Variants in SEMA5A observed in about 807,000 individuals in gnomAD.
SEMA5A encodes the protein semaphorin-5A.
SEMA5A carries 55 observed loss-of-function variants against 135.5 expected under a neutral mutation model. The ratio of observed to expected loss-of-function variants is 0.41; its 90% confidence interval spans 0.33 to 0.51. The LOEUF (loss-of-function observed/expected upper bound fraction) is 0.51, where lower values mean the gene tolerates loss of function less well. Among genes scored for constraint, SEMA5A ranks in the 20% least tolerant of loss-of-function variants. The pLI is 0.37. For synonymous variants in SEMA5A, 580 were observed against 546.5 expected (o/e 1.06, Z -0.85); for missense variants, 1,290 against 1,419.9 (o/e 0.91, Z 1.47).
intron 16 of SEMA5A, among the ~76,000 whole-genome samples, chr5:9,093,211 A>G (rs1739130418): frequency 6.6e-6 from 1 of 152,236 alleles, no homozygotes; most frequent in African/African-American, 2.4e-5. Context: ...CATATATCTG[A>G]AACCATAACA....
chr5:9,124,532 C>T (rs1741000612), intron 13 of SEMA5A, among the ~76,000 whole-genome samples: 1 of 152,168 alleles, frequency 6.6e-6, no homozygotes, highest in South Asian at 2.1e-4. Context: ...TCTTGGCTCA[C>T]TGCAACCTCC....
At chr5:9,427,310 G>C (rs187133832) in intron 2 of SEMA5A, among the ~76,000 whole-genome samples, 1 of 146,538 alleles carries the variant, frequency 6.8e-6, no homozygotes, top group South Asian at 2.1e-4. Context: ...ACTCTGTCTC[G>C]GGGGGGAAAA....
intron 1 of SEMA5A, among the ~76,000 whole-genome samples, chr5:9,447,838 A>G (rs957682621): frequency 6.6e-6 from 1 of 152,220 alleles, no homozygotes; most frequent in Non-Finnish European, 1.5e-5. Flanking sequence ...GAGTCATGTC[A>G]TCCATTTTAG....
chr5:9,066,713 T>A, intron 16 of SEMA5A, 67 bp from the exon 17 acceptor site: 1 of 1,398,484 alleles, frequency 7.2e-7, no homozygotes, highest in Non-Finnish European at 1.0e-6. Context: ...AAGGGCTCCT[T>A]TCCTTTAGGG....
At chr5:9,457,744 G>GT (rs1300334897) in intron 1 of SEMA5A, among the ~76,000 whole-genome samples, 3 of 151,908 alleles carry the variant, frequency 2.0e-5, no homozygotes, top group South Asian at 4.2e-4. Flanking sequence ...TATTAGGAAG[G>GT]TTTTTTTCCT....
At chr5:9,388,155 T>C (rs1183867927) in intron 2 of SEMA5A, among the ~76,000 whole-genome samples, 1 of 152,244 alleles carries the variant, frequency 6.6e-6, no homozygotes, top group Non-Finnish European at 1.5e-5. Flanking sequence ...TTTATGGCTA[T>C]ATAAAAGGAC....
rs1755530578 is a variant in SEMA5A at position 9,380,061 on chromosome 5, G to T, written c.-77-38C>A. The stretch of plus-strand genomic sequence containing the variant: ...AAAGAGAAGAATCAGATGACTGTGA[G>T]TTCGTTTTCTGGTGGGTGGTCTTCT... On this transcript the variant is annotated intron_variant, in intron 2 of 22. Coordinates refer to ENST00000382496, the MANE Select transcript of SEMA5A (RefSeq NM_003966.3). The T allele has an allele frequency of 2.2e-6, 3 of 1,384,820 alleles. No individual in the cohort carries two copies. The African/African-American group carries it at 4.3e-5, about 20-fold the overall frequency. 85.8% of individuals were successfully genotyped at this position (1,384,820 alleles called of 1,614,324 possible).
chr5:9,439,390 A>G (rs1758151479), intron 1 of SEMA5A, among the ~76,000 whole-genome samples: 1 of 152,200 alleles, frequency 6.6e-6, no homozygotes, highest in Admixed American at 6.5e-5. Context: ...ATTTTACAAC[A>G]ATTATTACTA....
intron 1 of SEMA5A, among the ~76,000 whole-genome samples, chr5:9,511,052 G>A (rs966142875): frequency 3.3e-5 from 5 of 152,104 alleles, no homozygotes; most frequent in African/African-American, 1.2e-4. Context: ...CTGATATCTA[G>A]TGTACCAGAA....
At chr5:9,088,955 C>T (rs919120761) in intron 16 of SEMA5A, among the ~76,000 whole-genome samples, 1 of 152,088 alleles carries the variant, frequency 6.6e-6, no homozygotes, top group African/African-American at 2.4e-5. Context: ...GGGTTCAGGC[C>T]TCCATGCTTT....
intron 5 of SEMA5A, among the ~76,000 whole-genome samples, chr5:9,301,310 G>A (rs1751600237): frequency 1.3e-5 from 2 of 152,220 alleles, no homozygotes; most frequent in African/African-American, 2.4e-5. Flanking sequence ...TAAGCATCAG[G>A]TGTCTCAAAA....
intron 1 of SEMA5A, among the ~76,000 whole-genome samples, chr5:9,521,631 C>T (rs1736839575): frequency 6.6e-6 from 1 of 152,182 alleles, no homozygotes; most frequent in Admixed American, 6.5e-5. Flanking sequence ...GGAGCCCTCA[C>T]AGCTGGCCAT....
chr5:9,206,470 C>A (rs948272783), intron 8 of SEMA5A, among the ~76,000 whole-genome samples: 1 of 151,628 alleles, frequency 6.6e-6, no homozygotes, highest in African/African-American at 2.4e-5. Flanking sequence ...AGAAAAACAT[C>A]AAAAATTTTG....
In SEMA5A at chr5:9,154,552, C is replaced by A; in HGVS notation, c.1417G>T (p.Val473Leu). The change falls in exon 12 of 23, where the codon GTG becomes TTG. Residue 473 changes from valine (V) to leucine (L), a missense_variant. Physicochemically the swap from Val to Leu is conservative, Grantham distance 32. Coordinates refer to ENST00000382496, the MANE Select transcript of SEMA5A (RefSeq NM_003966.3). ...QILHSQSVLF[V>L]GLREHVVKIP... is the part of the protein sequence containing the mutation. ...TTGACCACGTGCTCCCGCAGGCCCA[C>A]GAACAGGACACTCTGGCTGTGCAGG... 2.5e-6 allele frequency: 4 copies of A among 1,613,102 alleles called. No individual in the cohort carries two copies. Among genetic ancestry groups the A allele is most frequent in the Non-Finnish European group, 2.5e-6 (3 of 1,179,972 alleles).
intron 11 of SEMA5A, among the ~76,000 whole-genome samples, chr5:9,187,817 C>A (rs971902698): frequency 6.6e-6 from 1 of 152,218 alleles, no homozygotes; most frequent in Non-Finnish European, 1.5e-5. Flanking sequence ...ATCTGCACAT[C>A]AGACAGGATC....
intron 12 of SEMA5A, among the ~76,000 whole-genome samples, chr5:9,154,043 C>T (rs1222952656): frequency 2.5e-5 from 1 of 39,478 alleles, no homozygotes; most frequent in East Asian, 1.1e-3. Flanking sequence ...GAGACTGTGT[C>T]TCAAAAAAAA....
intron 5 of SEMA5A, among the ~76,000 whole-genome samples, chr5:9,301,802 A>G (rs1751624490): frequency 6.6e-6 from 1 of 152,124 alleles, no homozygotes; most frequent in Admixed American, 6.6e-5. Flanking sequence ...GGAGCCATGC[A>G]TATTAGCTTC....
At chr5:9,220,240 A>T (rs1746858856) in intron 8 of SEMA5A, among the ~76,000 whole-genome samples, 1 of 152,210 alleles carries the variant, frequency 6.6e-6, no homozygotes, top group Non-Finnish European at 1.5e-5. Context: ...AAAAGACTAT[A>T]TACAGGGTAC....
intron 5 of SEMA5A, among the ~76,000 whole-genome samples, chr5:9,302,663 T>C (rs1751667218): frequency 6.6e-6 from 1 of 152,156 alleles, no homozygotes; most frequent in Admixed American, 6.5e-5. Context: ...ATATCGATAT[T>C]GAACACATCT....
Sources: gnomAD v4.1 joint callset for allele counts (sites outside exome capture counted in the v4.1 genomes callset) on GRCh38, gnomAD v4.1.1 for gene constraint, MANE v1.5 for transcripts, NCBI Gene and HGNC (gene_info 2026-07-23, HGNC 2026-07-21) for gene names.